SPRY3: variants seen among roughly 807,000 people sequenced by gnomAD.
SPRY3 encodes protein sprouty homolog 3.
SPRY3 carries 15 observed loss-of-function variants against 20.2 expected under a neutral mutation model. The observed-to-expected ratio is 0.74, with a 90% CI of 0.50 to 1.14. The LOEUF is 1.14. SPRY3 is among the 50% of genes most tolerant of loss of function. The pLI, the probability that SPRY3 is intolerant of heterozygous loss-of-function variation, is 0.00. For synonymous variants in SPRY3, 143 were observed against 136.5 expected (o/e 1.05, Z -0.33); for missense variants, 364 against 363.9 (o/e 1.00, Z 0.00).
chrX:155,708,087 G>T (rs1283164858), intron 2 of SPRY3, among the ~76,000 whole-genome samples: 6 of 150,874 alleles, frequency 4.0e-5, no homozygotes, highest in Admixed American at 2.0e-4. Context: ...TTTGTTAATG[G>T]CTGCTCCAGG....
At chrX:155,660,785 CT>C (rs111299450) in intron 2 of SPRY3, among the ~76,000 whole-genome samples, 115 of 99,775 alleles carry the variant, frequency 1.2e-3, no homozygotes, top group Admixed American at 1.8e-3. Context: ...CCTTCTTTGT[CT>C]TTTTTTTTTT....
At chrX:155,734,165 G>A (rs2091152908) in intron 2 of SPRY3, among the ~76,000 whole-genome samples, 1 of 152,046 alleles carries the variant, frequency 6.6e-6, no homozygotes, top group African/African-American at 2.4e-5. Context: ...CCTGCCTTCC[G>A]ACATGTCTTT....
chrX:155,749,419 G>A (rs957289198), intron 2 of SPRY3, among the ~76,000 whole-genome samples: 160 of 151,784 alleles, frequency 1.1e-3, no homozygotes, highest in Non-Finnish European at 1.7e-3. Flanking sequence ...ATGCATGTAC[G>A]TATTATATAG....
rs756177184 is a variant in SPRY3 at position 155,709,374 on chromosome X, G to A, written c.-282+52349G>A. Among the ~76,000 whole-genome samples the A allele has an allele frequency of 4.6e-5, 7 of 151,706 alleles. 1 individual carries two copies. The South Asian group carries it at 6.2e-4, about 13-fold the overall frequency. ...GGATATAAGCCATTTTAAGTGGGGC[G>A]AGAGGAGAATGTTGTTTAGATTTGC... On this transcript the variant is annotated intron_variant, in intron 2 of 3. Coordinates refer to ENST00000675360, the Ensembl canonical transcript of SPRY3.
chrX:155,613,421 A>G (rs935519367), intron 1 of SPRY3, among the ~76,000 whole-genome samples: 13 of 111,694 alleles, frequency 1.2e-4, no homozygotes, highest in African/African-American at 4.2e-4. Context: ...AGAACGATAC[A>G]TATTACAAAG....
At chrX:155,729,410 T>G (rs2091118932) in intron 2 of SPRY3, among the ~76,000 whole-genome samples, 1 of 152,042 alleles carries the variant, frequency 6.6e-6, no homozygotes, top group Non-Finnish European at 1.5e-5. Context: ...ACAAAAGGAA[T>G]TCTGGAAACT....
chrX:155,678,784 CTG>C (rs1211981235), intron 2 of SPRY3, among the ~76,000 whole-genome samples: 1 of 112,150 alleles, frequency 8.9e-6, no homozygotes, highest in African/African-American at 3.2e-5. Flanking sequence ...TCACTTATGA[CTG>C]TGCATTTTAT....
At chrX:155,776,492 A>G (rs2091427049) in exon 4 of SPRY3, 1 of 167,104 alleles carries the variant, frequency 6.0e-6, no homozygotes, top group Non-Finnish European at 1.5e-5. Flanking sequence ...ACCCCCTTCA[A>G]TGGGAAAAAG....
At chrX:155,762,754 G>C (rs1449862025) in intron 2 of SPRY3, among the ~76,000 whole-genome samples, 1 of 152,130 alleles carries the variant, frequency 6.6e-6, no homozygotes, top group African/African-American at 2.4e-5. Context: ...TACACTGTTG[G>C]TGGGAATATA....
intron 2 of SPRY3, among the ~76,000 whole-genome samples, chrX:155,716,997 T>A (rs866804549): frequency 0.018 from 2,468 of 133,486 alleles, 280 homozygotes; most frequent in African/African-American, 0.056. Context: ...TATATATATA[T>A]ATATATATAT....
chrX:155,651,361 G>A (rs1216380218), intron 1 of SPRY3, among the ~76,000 whole-genome samples: 3 of 111,518 alleles, frequency 2.7e-5, no homozygotes, highest in Non-Finnish European at 3.8e-5. Flanking sequence ...ACCCAGCCCA[G>A]GTATTTTTAA....
intron 2 of SPRY3, among the ~76,000 whole-genome samples, chrX:155,738,133 AG>A (rs2124570167): frequency 6.6e-6 from 1 of 152,328 alleles, no homozygotes; most frequent in South Asian, 2.1e-4. Flanking sequence ...AGGTGGATAA[AG>A]AGTTCTTATA....
intron 2 of SPRY3, among the ~76,000 whole-genome samples, chrX:155,727,412 C>G (rs1037771994): frequency 2.6e-5 from 4 of 152,110 alleles, no homozygotes; most frequent in Non-Finnish European, 5.9e-5. Flanking sequence ...CAACTTGGTT[C>G]CATTCTCCCC....
chrX:155,703,723 G>A (rs190131231), intron 2 of SPRY3, among the ~76,000 whole-genome samples: 1,709 of 149,826 alleles, frequency 0.011, 21 homozygotes, highest in African/African-American at 0.038. Context: ...GTCAATTTTG[G>A]ATCTTTCCTG....
exon 4 of SPRY3, chrX:155,774,299 A>G (rs1292471917): frequency 6.2e-7 from 1 of 1,613,946 alleles, no homozygotes; most frequent in South Asian, 1.1e-5. Context: ...CCTAGTGAGC[A>G]CCTCTTCATC....
Position 155,767,724 on chromosome X carries a change from G to GGCGGAGGAGGAGGAGAGAGAA in SPRY3, c.-281-237_-281-236insCGGAGGAGGAGGAGAGAGAAG, listed in dbSNP as rs1569399996. The stretch of plus-strand genomic sequence containing the variant: ...AGAAAGAAGAGGAGGAGGAGAAAGA[G>GGCGGAGGAGGAGGAGAGAGAA]GAGGAGGAGGAGAGAGAGGAGGAGG... On this transcript the variant is annotated intron_variant, in intron 2 of 3. Coordinates refer to ENST00000675360, the Ensembl canonical transcript of SPRY3. 4.0e-5 allele frequency: 4 copies of GGCGGAGGAGGAGGAGAGAGAA among 99,308 alleles called. 1 individual carries two copies. Among genetic ancestry groups the GGCGGAGGAGGAGGAGAGAGAA allele is most frequent in the Non-Finnish European group, 7.4e-5 (4 of 53,928 alleles). The allele number at this position is 99,308 out of a possible 1,614,324, so 6.2% of individuals were successfully genotyped here.
chrX:155,718,566 G>C (rs1319852277), intron 2 of SPRY3, among the ~76,000 whole-genome samples: 4 of 152,066 alleles, frequency 2.6e-5, no homozygotes, highest in Non-Finnish European at 5.9e-5. Flanking sequence ...AAGGGTGTTT[G>C]AACAATTAAC....
intron 2 of SPRY3, among the ~76,000 whole-genome samples, chrX:155,697,650 G>A (rs1473289367): frequency 1.8e-5 from 2 of 109,099 alleles, no homozygotes; most frequent in Admixed American, 9.9e-5. Context: ...GTGTGTGTGT[G>A]TGTGTCTGTG....
At chrX:155,767,351 G>T (rs2091338953) in intron 2 of SPRY3, among the ~76,000 whole-genome samples, 1 of 151,996 alleles carries the variant, frequency 6.6e-6, no homozygotes, top group Admixed American at 6.5e-5. Context: ...AGCTAGCTAA[G>T]CTGAACACAC....
Sources: allele counts gnomAD v4.1 joint callset (sites outside exome capture counted in the v4.1 genomes callset), GRCh38; gene constraint gnomAD v4.1.1; transcripts MANE v1.5; gene names NCBI Gene and HGNC (gene_info 2026-07-23, HGNC 2026-07-21).